NXPE2: variants seen among roughly 807,000 people sequenced by gnomAD.
The protein encoded by NXPE2 is NXPE family member 2.
NXPE2 carries 34 observed loss-of-function variants against 34.4 expected under a neutral mutation model. The ratio of observed to expected loss-of-function variants is 0.99; its 90% CI spans 0.75 to 1.31. The LOEUF is 1.31. NXPE2 is among the 40% of genes most tolerant of loss of function. NXPE2 has a pLI of 0.00. For missense variants in NXPE2, 649 were observed against 672.5 expected (o/e 0.97, Z 0.39); for synonymous variants, 235 against 231.3 (o/e 1.02, Z -0.15).
chr11:114,657,338 G>C, the NXPE2 span, among the ~76,000 whole-genome samples: 1 of 152,090 alleles, frequency 6.6e-6, no homozygotes, highest in Non-Finnish European at 1.5e-5. Context: ...ACTTAGGTGG[G>C]AAAAAGATTA....
the NXPE2 span, among the ~76,000 whole-genome samples, chr11:114,479,103 T>G: frequency 6.6e-6 from 1 of 152,192 alleles, no homozygotes; most frequent in African/African-American, 2.4e-5. Context: ...GATTAAAAAT[T>G]CAGTGCCTTG....
the NXPE2 span, among the ~76,000 whole-genome samples, chr11:114,563,756 C>A: frequency 2.0e-5 from 3 of 152,072 alleles, no homozygotes; most frequent in Admixed American, 2.0e-4. Flanking sequence ...AAATACAAAT[C>A]GAAACCACAG....
the NXPE2 span, among the ~76,000 whole-genome samples, chr11:114,632,794 TTA>T: frequency 3.0e-3 from 1 of 330 alleles, no homozygotes. Context: ...TATTATATAA[TTA>T]TATATAATTA....
At chr11:114,510,296 T>C in the NXPE2 span, among the ~76,000 whole-genome samples, 1 of 152,172 alleles carries the variant, frequency 6.6e-6, no homozygotes, top group Non-Finnish European at 1.5e-5. Flanking sequence ...GGTGTGATCA[T>C]AGTCATAGCT....
chr11:114,566,803 CT>C, the NXPE2 span, among the ~76,000 whole-genome samples: 1 of 151,600 alleles, frequency 6.6e-6, no homozygotes, highest in Admixed American at 6.6e-5. Flanking sequence ...TTTATGTTTT[CT>C]TTTTTAAGAT....
chr11:114,580,881 C>G, the NXPE2 span, among the ~76,000 whole-genome samples: 1 of 152,164 alleles, frequency 6.6e-6, no homozygotes, highest in Non-Finnish European at 1.5e-5. Context: ...AGATGAACCC[C>G]TCAGTCACTG....
the NXPE2 span, chr11:114,528,015 T>G: frequency 1.5e-6 from 1 of 664,944 alleles, no homozygotes; most frequent in African/African-American, 1.8e-5. Flanking sequence ...TGGAAGCTGT[T>G]ATTATTGTTG....
At chr11:114,671,362 C>A in the NXPE2 span, among the ~76,000 whole-genome samples, 2 of 151,548 alleles carry the variant, frequency 1.3e-5, no homozygotes, top group East Asian at 1.9e-4. Context: ...GAGAAAGGAC[C>A]AGAAAACAAT....
At chr11:114,571,566 T>A in the NXPE2 span, 1 of 1,117,250 alleles carries the variant, frequency 9.0e-7, no homozygotes, top group Non-Finnish European at 1.3e-6. Flanking sequence ...TTGGTATAAT[T>A]AAATAAGCTA....
the NXPE2 span, among the ~76,000 whole-genome samples, chr11:114,594,221 G>A: frequency 5.3e-5 from 8 of 151,954 alleles, no homozygotes; most frequent in East Asian, 1.9e-4. Flanking sequence ...AATTCTTGAG[G>A]CAATGAATAC....
the NXPE2 span, chr11:114,528,902 G>A: frequency 1.7e-6 from 1 of 577,756 alleles, no homozygotes; most frequent in Admixed American, 2.3e-5. Flanking sequence ...TTGATGGGTA[G>A]GAAGAGATTT....
chr11:114,807,216 A>G, the NXPE2 span, among the ~76,000 whole-genome samples: 141,073 of 146,942 alleles, frequency 0.96, 67,944 homozygotes, highest in Middle Eastern at 1. Context: ...AGGAACAACC[A>G]GTACCAGCCA....
chr11:114,625,700 G>C, the NXPE2 span, among the ~76,000 whole-genome samples: 1 of 152,146 alleles, frequency 6.6e-6, no homozygotes, highest in Non-Finnish European at 1.5e-5. Context: ...AACAGCCCCG[G>C]TCTACAGCTC....
chr11:114,610,999 T>C, the NXPE2 span, among the ~76,000 whole-genome samples: 1 of 151,762 alleles, frequency 6.6e-6, no homozygotes, highest in African/African-American at 2.4e-5. Context: ...ACCCACTGGA[T>C]AATAAATGTT....
the NXPE2 span, chr11:114,582,992 G>A: frequency 6.2e-6 from 10 of 1,613,366 alleles, no homozygotes; most frequent in East Asian, 4.5e-5. Flanking sequence ...AGTAATGGAG[G>A]GAGATGGATA....
the NXPE2 span, among the ~76,000 whole-genome samples, chr11:114,596,076 C>T: frequency 6.6e-6 from 1 of 152,258 alleles, no homozygotes; most frequent in East Asian, 1.9e-4. Flanking sequence ...TAATCATCAA[C>T]AGAAAGTCAA....
At chr11:114,504,550 T>G in the NXPE2 span, among the ~76,000 whole-genome samples, 2 of 152,160 alleles carry the variant, frequency 1.3e-5, no homozygotes, top group African/African-American at 4.8e-5. Flanking sequence ...CACAGTGGAC[T>G]CCAAACCTTG....
At chr11:114,493,716 G>C in the NXPE2 span, among the ~76,000 whole-genome samples, 2 of 151,880 alleles carry the variant, frequency 1.3e-5, no homozygotes, top group African/African-American at 4.8e-5. Flanking sequence ...TCATCATTTA[G>C]TCTTTCTACT....
intron 2 of NXPE2, among the ~76,000 whole-genome samples, chr11:114,690,851 T>A (rs993002495): frequency 1.3e-5 from 2 of 151,990 alleles, no homozygotes; most frequent in Non-Finnish European, 2.9e-5. Flanking sequence ...CTAAAATTCC[T>A]TCTGCTTGGT....
Sources: gnomAD v4.1 joint callset for allele counts (sites outside exome capture counted in the v4.1 genomes callset) on GRCh38, gnomAD v4.1.1 for gene constraint, MANE v1.5 for transcripts, NCBI Gene and HGNC (gene_info 2026-07-23, HGNC 2026-07-21) for gene names.